Variants in LTBP2 observed in about 807,000 individuals in gnomAD.
LTBP2 encodes latent-transforming growth factor beta-binding protein 2.
In LTBP2, 103 loss-of-function variants were observed where a neutral mutation model predicts 210.6. That is an observed-to-expected ratio of 0.49 (90% CI 0.42 to 0.58). The LOEUF is 0.58. Among genes scored for constraint, LTBP2 ranks in the 20% least tolerant of loss-of-function variants. The probability of loss-of-function intolerance (pLI) is 0.00; values close to 1 mark genes in which losing one functional copy is unlikely to be tolerated. For synonymous variants in LTBP2, 1,007 were observed against 1,015.0 expected (o/e 0.99, Z 0.15); for missense variants, 2,313 against 2,494.5 (o/e 0.93, Z 1.55).
rs2087624961 is a variant in LTBP2 at position 74,549,722 on chromosome 14, G to A, written c.1789+141C>T. The A allele has an allele frequency of 3.9e-6, 3 of 765,480 alleles. No individual in the cohort carries two copies. In the African/African-American group the frequency reaches 5.1e-5, roughly 13 times the overall value. The allele number at this position is 765,480 out of a possible 1,614,324, so 47.4% of individuals were successfully genotyped here. On this transcript the variant is annotated intron_variant, in intron 8 of 35. Transcript: ENST00000261978. ...CAGTGCTGGCCAGAAACACCTTCAA[G>A]GCAGGTCTGGGAAGTCTGCAGTTTA...
chr14:74,573,095 C>T (rs559181780), intron 3 of LTBP2, among the ~76,000 whole-genome samples: 5 of 152,310 alleles, frequency 3.3e-5, no homozygotes, highest in African/African-American at 7.2e-5. Context: ...TCTGAAAAGA[C>T]GCTGGATACC....
chr14:74,551,054 G>A lies in LTBP2; in HGVS notation c.1686+10C>T. The A allele has an allele frequency of 6.2e-7, 1 of 1,613,614 alleles. No individual in the cohort carries two copies. The highest frequency in any genetic ancestry group is 1.1e-5 in the South Asian group (1 of 91,080). ...AGCATCCAGGGCTGAGGCCAGAGCT[G>A]TGTTCTCACCTGTCCGTTCACAGTG... is the stretch of plus-strand genomic sequence containing the variant. On this transcript the variant is annotated intron_variant, in intron 7 of 35. Coordinates refer to ENST00000261978, the MANE Select transcript of LTBP2 (RefSeq NM_000428.3).
intron 3 of LTBP2, among the ~76,000 whole-genome samples, chr14:74,576,623 G>A (rs914822527): frequency 2.6e-5 from 4 of 151,804 alleles, no homozygotes; most frequent in Non-Finnish European, 4.4e-5. Context: ...AGCTGCATAC[G>A]CTGTACACTG....
rs1555350201 is a variant in LTBP2, at chr14:74,540,848, T to TATTA, written c.1790-4849_1790-4848insTAAT. Among the ~76,000 whole-genome samples, 3 of 68,898 alleles carry TATTA rather than the reference T, an allele frequency of 4.4e-5. 1 individual carries two copies. The highest frequency in any genetic ancestry group is 3.7e-4 in the South Asian group (1 of 2,718). The allele number at this position is 68,898 out of a possible 152,430, so 45.2% of individuals were successfully genotyped here. On this transcript the variant is annotated intron_variant, in intron 8 of 35. Coordinates refer to ENST00000261978, the MANE Select transcript of LTBP2 (RefSeq NM_000428.3). ...TTTATATAATATATATTTATATATA[T>TATTA]TATATATATTATATATATTTATATA...
At chr14:74,548,924 C>T (rs911565429) in intron 8 of LTBP2, among the ~76,000 whole-genome samples, 4 of 152,182 alleles carry the variant, frequency 2.6e-5, no homozygotes, top group Admixed American at 6.5e-5. Flanking sequence ...TTTGCTACTT[C>T]GCCAAAAATT....
In LTBP2 at chr14:74,528,578, T is replaced by G. The variant is rs1362043917; in HGVS notation, c.2273A>C (p.Gln758Pro). The G allele has an allele frequency of 6.2e-7, 1 of 1,613,378 alleles. No individual in the cohort carries two copies. The highest frequency in any genetic ancestry group is 1.3e-5 in the African/African-American group (1 of 74,952). Residue 758 changes from glutamine to proline, a missense_variant, in exon 12 of 36, where the codon CAG becomes CCG. Gln to Pro is a moderately conservative substitution (Grantham distance 76). Coordinates refer to ENST00000261978, the MANE Select transcript of LTBP2 (RefSeq NM_000428.3). ...ELARPPREQGQRSSGALPGPA... is the reference protein window; with the variant it reads ...ELARPPREQGPRSSGALPGPA... ...CCCGGGCAGTGCCCCGCTGCTCCTC[T>G]GCCCTTGCTCCCTTGGGGGCCTTGC...
intron 12 of LTBP2, among the ~76,000 whole-genome samples, chr14:74,528,190 C>T (rs2087299764): frequency 6.6e-6 from 1 of 152,230 alleles, no homozygotes; most frequent in Non-Finnish European, 1.5e-5. Flanking sequence ...GGCCAGAGGG[C>T]AGGAGATGGA....
chr14:74,538,356 T>C (rs1156461688), intron 8 of LTBP2, among the ~76,000 whole-genome samples: 2 of 152,188 alleles, frequency 1.3e-5, no homozygotes, highest in African/African-American at 2.4e-5. Flanking sequence ...TTTTACTTTG[T>C]AATAAGGCTG....
chr14:74,608,003 C>A (rs1304557401), intron 1 of LTBP2, among the ~76,000 whole-genome samples: 1 of 151,558 alleles, frequency 6.6e-6, no homozygotes, highest in African/African-American at 2.4e-5. Flanking sequence ...TCACTGCAAG[C>A]TCCGCTTCCC....
intron 2 of LTBP2, among the ~76,000 whole-genome samples, chr14:74,600,662 AC>A (rs1246732851): frequency 6.6e-6 from 1 of 152,034 alleles, no homozygotes; most frequent in East Asian, 1.9e-4. Context: ...CTATGAAGCC[AC>A]CCGCTGCAGC....
intron 18 of LTBP2, among the ~76,000 whole-genome samples, chr14:74,512,133 A>C (rs2530398): frequency 2.6e-5 from 4 of 151,534 alleles, no homozygotes; most frequent in Non-Finnish European, 5.9e-5. Flanking sequence ...CTTCCCCGAC[A>C]TAACCTGGCA....
chr14:74,523,810 C>A (rs1249588982), intron 15 of LTBP2, among the ~76,000 whole-genome samples: 1 of 151,970 alleles, frequency 6.6e-6, no homozygotes, highest in East Asian at 1.9e-4. Flanking sequence ...CCTGCCCCGC[C>A]CCCATAGCTT....
chr14:74,512,130 G>C (rs2530399), intron 18 of LTBP2, among the ~76,000 whole-genome samples: 96,454 of 151,606 alleles, frequency 0.64, 30,785 homozygotes, highest in East Asian at 0.74. Flanking sequence ...GCTCTTCCCC[G>C]ACATAACCTG....
chr14:74,543,177 G>C lies in LTBP2; in HGVS notation c.1789+6686C>G, dbSNP rs146850161. Among the ~76,000 whole-genome samples the C allele has an allele frequency of 8.2e-3, 1,244 of 151,880 alleles. 11 individuals are homozygous for C. The highest frequency in any genetic ancestry group is 0.028 in the African/African-American group (1,176 of 41,468). On this transcript the variant is annotated intron_variant, in intron 8 of 35. Coordinates refer to ENST00000261978, the MANE Select transcript of LTBP2 (RefSeq NM_000428.3). ...GCAGATCACGAGGTCGGGAGATTGA[G>C]ACCATCCCAGCTAACACGGTGAAAC...
chr14:74,508,122 C>A (rs750286302), intron 24 of LTBP2, 27 bp from the exon 25 acceptor site: 2 of 1,613,096 alleles, frequency 1.2e-6, no homozygotes, highest in East Asian at 4.5e-5. Context: ...TGTCAGCAGA[C>A]CCAGCCACGG....
At chr14:74,549,801 G>A in intron 8 of LTBP2, 62 bp downstream of exon 8, 5 of 1,389,318 alleles carry the variant, frequency 3.6e-6, no homozygotes, top group South Asian at 3.5e-5. Flanking sequence ...AACCCTGGCA[G>A]GAGAGGGCAG....
rs2086875974 is a variant in LTBP2 at position 74,498,556 on chromosome 14, C to T, written c.*2328G>A. 3 of 227,502 alleles carry T rather than the reference C, an allele frequency of 1.3e-5. No individual in the cohort carries two copies. In the South Asian group the frequency reaches 5.5e-4, roughly 42 times the overall value. The allele number at this position is 227,502 out of a possible 1,614,324, so 14.1% of individuals were successfully genotyped here. On this transcript the variant is annotated 3_prime_UTR_variant, in exon 36 of 36. Coordinates refer to ENST00000261978, the MANE Select transcript of LTBP2 (RefSeq NM_000428.3). ...AAAAAAAAAGCAAAGTGCAGAACAG[C>T]ATGCATAGTATGCTATTTGTATTTT...
At chr14:74,525,791 G>C (rs924843553) in intron 14 of LTBP2, among the ~76,000 whole-genome samples, 27 of 152,176 alleles carry the variant, frequency 1.8e-4, no homozygotes, top group African/African-American at 6.5e-4. Context: ...AGCTAGTGCT[G>C]TCTCTTTGTT....
chr14:74,573,595 T>C (rs1164045014), intron 3 of LTBP2, among the ~76,000 whole-genome samples: 2 of 152,218 alleles, frequency 1.3e-5, no homozygotes, highest in Non-Finnish European at 2.9e-5. Context: ...TGGGTTCTTA[T>C]GACTGCTGGT....
Sources: allele counts gnomAD v4.1 joint callset (sites outside exome capture counted in the v4.1 genomes callset), GRCh38; gene constraint gnomAD v4.1.1; transcripts MANE v1.5; gene names NCBI Gene and HGNC (gene_info 2026-07-23, HGNC 2026-07-21).